The following PSMA8 variants were observed in gnomAD, a reference collection of about 807,000 sequenced individuals.
PSMA8 encodes the protein proteasome 20S subunit alpha 8, also known as proteasome subunit alpha-type 8.
A neutral mutation model predicts 32.4 loss-of-function variants in PSMA8; 18 were observed. That is an observed-to-expected ratio of 0.56 (90% confidence interval 0.38 to 0.82). The LOEUF (loss-of-function observed/expected upper bound fraction) is 0.82. PSMA8 is among the 40% of genes least tolerant of loss of function. The pLI is 0.00. For missense variants in PSMA8, 298 were observed against 300.7 expected (o/e 0.99, Z 0.07); for synonymous variants, 104 against 98.1 (o/e 1.06, Z -0.36).
chr18:26,188,340 C>CAAAA (rs35512719), intron 6 of PSMA8, among the ~76,000 whole-genome samples: 12 of 143,662 alleles, frequency 8.4e-5, no homozygotes, highest in Non-Finnish European at 1.5e-4. Flanking sequence ...AAAAGGACAC[C>CAAAA]AAAAAAAAAA....
chr18:26,152,267 A>ATAACTCTTT (rs2055052422), intron 3 of PSMA8, among the ~76,000 whole-genome samples: 1 of 152,122 alleles, frequency 6.6e-6, no homozygotes. Context: ...ATTAATACAA[A>ATAACTCTTT]GAGTTATTTG....
intron 1 of PSMA8, 113 bp downstream of exon 1, chr18:26,134,180 CA>C (rs1442975808): frequency 2.8e-6 from 2 of 708,810 alleles, no homozygotes; most frequent in Admixed American, 2.5e-5. Context: ...GAGATTCCCA[CA>C]CTTGTGAAAA....
At chr18:26,190,880 C>T (rs1022001171) in intron 6 of PSMA8, among the ~76,000 whole-genome samples, 1 of 152,218 alleles carries the variant, frequency 6.6e-6, no homozygotes, top group Non-Finnish European at 1.5e-5. Context: ...TTCCACTAAA[C>T]TGTGGACTCC....
chr18:26,188,841 A>G (rs1438023873), intron 6 of PSMA8, among the ~76,000 whole-genome samples: 1 of 152,218 alleles, frequency 6.6e-6, no homozygotes, highest in Non-Finnish European at 1.5e-5. Flanking sequence ...AAATCAAAAA[A>G]GAATAGATTA....
intron 1 of PSMA8, among the ~76,000 whole-genome samples, chr18:26,138,244 A>G (rs2054928095): frequency 6.6e-6 from 1 of 152,204 alleles, no homozygotes; most frequent in Admixed American, 6.5e-5. Flanking sequence ...AAGTAGAATC[A>G]TTCATAATTT....
intron 4 of PSMA8, chr18:26,170,951 C>G: frequency 6.4e-7 from 1 of 1,557,058 alleles, no homozygotes. Flanking sequence ...CTATCCAGAC[C>G]ATGTCTACTT....
At chr18:26,171,307 C>G in intron 4 of PSMA8, 1 of 1,559,190 alleles carries the variant, frequency 6.4e-7, no homozygotes, top group Non-Finnish European at 8.7e-7. Flanking sequence ...GGAGGACCTC[C>G]GAGCCCGCTC....
At chr18:26,147,076 A>G (rs148600180) in intron 2 of PSMA8, among the ~76,000 whole-genome samples, 2 of 152,202 alleles carry the variant, frequency 1.3e-5, no homozygotes, top group Admixed American at 6.5e-5. Flanking sequence ...ATTGGGGGAT[A>G]GTGCTAAGCT....
chr18:26,180,375 T>C (rs1253382263), intron 6 of PSMA8, among the ~76,000 whole-genome samples: 1 of 152,216 alleles, frequency 6.6e-6, no homozygotes, highest in African/African-American at 2.4e-5. Context: ...TCTGTTTTTG[T>C]TTTTGTCATC....
At chr18:26,142,582 CCT>C (rs1451646302) in intron 1 of PSMA8, among the ~76,000 whole-genome samples, 1 of 152,068 alleles carries the variant, frequency 6.6e-6, no homozygotes, top group Non-Finnish European at 1.5e-5. Context: ...GCTTGTGGCC[CCT>C]GTCTTAACTT....
intron 4 of PSMA8, among the ~76,000 whole-genome samples, chr18:26,169,839 G>T (rs879428265): frequency 8.7e-6 from 1 of 114,844 alleles, no homozygotes; most frequent in Non-Finnish European, 1.6e-5. Context: ...AGAGCGAAAC[G>T]CTGTCTAAAA....
intron 6 of PSMA8, among the ~76,000 whole-genome samples, chr18:26,180,277 A>G (rs747863866): frequency 1.3e-5 from 2 of 152,288 alleles, no homozygotes; most frequent in Non-Finnish European, 2.9e-5. Context: ...TGTTTTACAT[A>G]TATCTTTTCT....
chr18:26,149,839 G>A (rs1449491972), intron 2 of PSMA8, among the ~76,000 whole-genome samples: 2 of 152,132 alleles, frequency 1.3e-5, no homozygotes, highest in Non-Finnish European at 2.9e-5. Flanking sequence ...TAGTGGGAAA[G>A]CTTCATGAGA....
chr18:26,177,465 G>A (rs188185798), intron 4 of PSMA8, among the ~76,000 whole-genome samples: 188 of 152,196 alleles, frequency 1.2e-3, no homozygotes, highest in African/African-American at 4.3e-3. Flanking sequence ...TTTTTGTGAT[G>A]GTTAGATGAG....
chr18:26,180,974 C>T (rs2055306301), intron 6 of PSMA8, among the ~76,000 whole-genome samples: 2 of 152,168 alleles, frequency 1.3e-5, no homozygotes, highest in South Asian at 4.1e-4. Flanking sequence ...ACGATACCTT[C>T]ATCAAAGGGC....
At chr18:26,185,527 C>G (rs946318116) in intron 6 of PSMA8, among the ~76,000 whole-genome samples, 1 of 150,720 alleles carries the variant, frequency 6.6e-6, no homozygotes, top group African/African-American at 2.5e-5. Context: ...ACTTCCCTAA[C>G]TCTGGAATGT....
At chr18:26,149,122 G>A (rs2055025816) in intron 2 of PSMA8, among the ~76,000 whole-genome samples, 1 of 152,120 alleles carries the variant, frequency 6.6e-6, no homozygotes, top group African/African-American at 2.4e-5. Flanking sequence ...CAATAAAGGT[G>A]TGAGTCACCA....
chr18:26,173,004 C>A (rs2055236014), intron 4 of PSMA8, among the ~76,000 whole-genome samples: 1 of 152,166 alleles, frequency 6.6e-6, no homozygotes, highest in African/African-American at 2.4e-5. Flanking sequence ...TGGTCAAGGC[C>A]ATGCGTTCTT....
At position 26,134,191 on chromosome 18, in the gene PSMA8, A is replaced by G. The variant is rs2054889726; in HGVS notation, c.102+124A>G. The G allele has an allele frequency of 4.5e-6, 3 of 673,100 alleles. No homozygotes were observed. The East Asian group carries it at 8.3e-5, about 19-fold the overall frequency. 41.7% of individuals were successfully genotyped at this position (673,100 alleles called of 1,614,324 possible). ...AGAGGAGATTCCCACACTTGTGAAA[A>G]TTACTTTGTTCTTTTTATTTAGGGA... On this transcript the variant is annotated intron_variant, in intron 1 of 6. Coordinates refer to ENST00000415576, the MANE Select transcript of PSMA8 (RefSeq NM_001025096.2).
Sources: allele counts gnomAD v4.1 joint callset (sites outside exome capture counted in the v4.1 genomes callset), GRCh38; gene constraint gnomAD v4.1.1; transcripts MANE v1.5; gene names NCBI Gene and HGNC (gene_info 2026-07-23, HGNC 2026-07-21).